MARCHF1: variants seen among roughly 807,000 people sequenced by gnomAD.
The protein encoded by MARCHF1 is E3 ubiquitin-protein ligase MARCHF1.
MARCHF1 carries 40 observed loss-of-function variants against 54.2 expected under a neutral mutation model. The ratio of observed to expected loss-of-function variants is 0.74; its 90% CI spans 0.57 to 0.96. The LOEUF (loss-of-function observed/expected upper bound fraction) is 0.96. Among genes scored for constraint, MARCHF1 ranks in the 40% least tolerant of loss-of-function variants. MARCHF1 has a pLI of 0.00. For missense variants in MARCHF1, 586 were observed against 656.5 expected (o/e 0.89, Z 1.17); for synonymous variants, 236 against 236.3 (o/e 1.00, Z 0.01).
intron 3 of MARCHF1, among the ~76,000 whole-genome samples, chr4:163,978,605 G>A (rs1752695111): frequency 6.6e-6 from 1 of 152,144 alleles, no homozygotes; most frequent in African/African-American, 2.4e-5. Context: ...TTTGAACCCA[G>A]TCAGTCTTCT....
chr4:164,305,166 C>T (rs973929781), intron 1 of MARCHF1, among the ~76,000 whole-genome samples: 5 of 151,958 alleles, frequency 3.3e-5, no homozygotes, highest in Admixed American at 6.6e-5. Flanking sequence ...GGAAAGTGAC[C>T]CCCAAAATGG....
intron 2 of MARCHF1, among the ~76,000 whole-genome samples, chr4:164,049,128 G>A (rs1257467617): frequency 6.6e-6 from 1 of 152,176 alleles, no homozygotes; most frequent in Non-Finnish European, 1.5e-5. Flanking sequence ...CTGACTTACA[G>A]TTCTGCGTGG....
chr4:163,898,406 T>C (rs1489817895), intron 3 of MARCHF1, among the ~76,000 whole-genome samples: 1 of 152,062 alleles, frequency 6.6e-6, no homozygotes, highest in Non-Finnish European at 1.5e-5. Context: ...AGAAGAAATA[T>C]GAGTAGTCAA....
At chr4:164,294,637 T>C (rs563980286) in intron 1 of MARCHF1, among the ~76,000 whole-genome samples, 6 of 152,208 alleles carry the variant, frequency 3.9e-5, no homozygotes, top group Non-Finnish European at 8.8e-5. Context: ...CATATTCTTA[T>C]CGTCAATTAA....
intron 1 of MARCHF1, among the ~76,000 whole-genome samples, chr4:164,280,064 A>G (rs1256576685): frequency 1.3e-5 from 2 of 151,916 alleles, no homozygotes; most frequent in African/African-American, 4.8e-5. Flanking sequence ...GCAAGAGCAT[A>G]TTTGATTAAC....
At chr4:164,350,015 T>C (rs998863557) in intron 1 of MARCHF1, among the ~76,000 whole-genome samples, 17 of 152,230 alleles carry the variant, frequency 1.1e-4, no homozygotes, top group African/African-American at 2.9e-4. Flanking sequence ...ATTGAGGTCA[T>C]AGAACATATT....
At chr4:163,550,512 T>TCC (rs1739075192) in intron 8 of MARCHF1, among the ~76,000 whole-genome samples, 7 of 146,102 alleles carry the variant, frequency 4.8e-5, no homozygotes, top group East Asian at 2.0e-4. Flanking sequence ...TAGCCCTTTT[T>TCC]TTTTTTTTTT....
chr4:164,064,370 T>A (rs545261485), intron 2 of MARCHF1, among the ~76,000 whole-genome samples: 45 of 152,264 alleles, frequency 3.0e-4, no homozygotes, highest in Non-Finnish European at 5.1e-4. Flanking sequence ...CTTGTAGAGA[T>A]CCTTCACCTG....
chr4:164,276,947 T>TATATATATATATATAGAG lies in MARCHF1; in HGVS notation c.-323+106922_-323+106923insCTCTATATATATATATAT, dbSNP rs1392528920. On this transcript the variant is annotated intron_variant, in intron 1 of 9. Coordinates refer to ENST00000514618, the MANE Select transcript of MARCHF1 (RefSeq NM_001394959.1). Reference sequence around the variant, plus strand: ...ATGTCTCATATTCTATATATATATATAGAGAGAGAGAGAGAGAGAGACAGA... The same window carrying TATATATATATATATAGAG: ...ATGTCTCATATTCTATATATATATATATATATATATATATAGAGAGAGAGAGAGAGAGAGAGAGACAGA... 1.2e-3 allele frequency among the ~76,000 whole-genome samples: 138 copies of TATATATATATATATAGAG among 118,746 alleles called. 1 individual carries two copies. The highest frequency in any genetic ancestry group is 7.3e-3 in the South Asian group (21 of 2,872). 77.9% of individuals were successfully genotyped at this position (118,746 alleles called of 152,430 possible). A position where few individuals can be genotyped will look rare whatever the true frequency, so the allele number is the denominator to read the frequency against.
At chr4:164,325,333 TTATATA>T (rs58385154) in intron 1 of MARCHF1, among the ~76,000 whole-genome samples, 4 of 138,468 alleles carry the variant, frequency 2.9e-5, no homozygotes, top group South Asian at 2.5e-4. Context: ...TAGACAGAAA[TTATATA>T]TATATATATA....
intron 2 of MARCHF1, among the ~76,000 whole-genome samples, chr4:164,091,407 GTT>G (rs1239255814): frequency 2.3e-5 from 1 of 43,654 alleles, no homozygotes; most frequent in African/African-American, 7.8e-5. Context: ...TTTTCACCAA[GTT>G]TTATATATAT....
intron 1 of MARCHF1, among the ~76,000 whole-genome samples, chr4:164,298,560 T>C (rs1318556477): frequency 1.3e-5 from 2 of 152,128 alleles, no homozygotes; most frequent in African/African-American, 2.4e-5. Flanking sequence ...GCAATACCTT[T>C]ACACGGATTT....
intron 2 of MARCHF1, among the ~76,000 whole-genome samples, chr4:164,021,551 C>G (rs1753664684): frequency 6.6e-6 from 1 of 151,610 alleles, no homozygotes; most frequent in South Asian, 2.1e-4. Context: ...TGTATTATAT[C>G]CCAAAACTCT....
intron 1 of MARCHF1, among the ~76,000 whole-genome samples, chr4:164,123,302 T>C: frequency 6.6e-6 from 1 of 152,024 alleles, no homozygotes; most frequent in East Asian, 1.9e-4. Context: ...TGAAAGCAGT[T>C]GAAGAGGACC....
intron 1 of MARCHF1, among the ~76,000 whole-genome samples, chr4:164,203,439 G>A (rs1420213638): frequency 2.0e-5 from 3 of 152,146 alleles, no homozygotes; most frequent in Non-Finnish European, 4.4e-5. Context: ...AAGAGTTGCA[G>A]TTCAAGTCTA....
At chr4:164,328,838 T>C (rs1405588371) in intron 1 of MARCHF1, among the ~76,000 whole-genome samples, 2 of 152,136 alleles carry the variant, frequency 1.3e-5, no homozygotes, top group Non-Finnish European at 2.9e-5. Flanking sequence ...CCACATGAAA[T>C]ATTTTTAAAC....
chr4:164,359,903 G>T (rs1271277627), intron 1 of MARCHF1, among the ~76,000 whole-genome samples: 1 of 152,138 alleles, frequency 6.6e-6, no homozygotes, highest in Non-Finnish European at 1.5e-5. Context: ...CAGTTCTAAA[G>T]GGGACTGTGA....
intron 3 of MARCHF1, among the ~76,000 whole-genome samples, chr4:163,893,102 T>C (rs541134311): frequency 7.3e-5 from 11 of 151,016 alleles, no homozygotes; most frequent in Admixed American, 2.0e-4. Flanking sequence ...TAAACAAACC[T>C]CCTTCCGCTC....
intron 1 of MARCHF1, among the ~76,000 whole-genome samples, chr4:164,356,973 G>C (rs941802674): frequency 6.6e-6 from 1 of 151,760 alleles, no homozygotes; most frequent in Non-Finnish European, 1.5e-5. Flanking sequence ...AGTGGGTGGA[G>C]GGTAGGAGGC....
Sources: allele counts gnomAD v4.1 joint callset (sites outside exome capture counted in the v4.1 genomes callset), GRCh38; gene constraint gnomAD v4.1.1; transcripts MANE v1.5; gene names NCBI Gene and HGNC (gene_info 2026-07-23, HGNC 2026-07-21).